MTERF4: variants seen among roughly 807,000 people sequenced by gnomAD.
The protein encoded by MTERF4 is transcription termination factor 4, mitochondrial.
A neutral mutation model predicts 22.5 loss-of-function variants in MTERF4; 17 were observed. The observed-to-expected ratio is 0.75, with a 90% CI of 0.52 to 1.13. MTERF4 has a LOEUF of 1.13. Among genes scored for constraint, MTERF4 ranks in the 50% most tolerant of loss-of-function variants. The pLI is 0.00. For synonymous variants in MTERF4, 165 were observed against 175.3 expected (o/e 0.94, Z 0.47); for missense variants, 420 against 466.8 (o/e 0.90, Z 0.92).
At chr2:241,082,415 C>A, downstream of MTERF4, 2 of 1,417,064 alleles carry the variant, frequency 1.4e-6, no homozygotes, top group Non-Finnish European at 2.0e-6. Context: ...GTGTTCTTGA[C>A]TCCTCAAAGT....
At chr2:241,047,331 C>T in the MTERF4 span, among the ~76,000 whole-genome samples, 4 of 152,050 alleles carry the variant, frequency 2.6e-5, no homozygotes, top group East Asian at 3.9e-4. Context: ...ATACTTGTAC[C>T]TATTAACACC....
chr2:241,069,108 C>T (rs1203730108), downstream of MTERF4: 1 of 906,248 alleles, frequency 1.1e-6, no homozygotes, highest in Non-Finnish European at 1.7e-6. This position sits in a 1 kb window ranked among gnomAD's most constrained non-coding sequence, Gnocchi z 4.9. Flanking sequence ...TAGTCCTCTC[C>T]AAAGCGTCCA....
chr2:241,044,618 G>A, the MTERF4 span, among the ~76,000 whole-genome samples: 391 of 152,290 alleles, frequency 2.6e-3, no homozygotes, highest in African/African-American at 8.5e-3. Context: ...GCATCCACAC[G>A]GACAGAAAGA....
At position 241,073,236 on chromosome 2, in the gene MTERF4, G is replaced by A. The variant is rs370019743; in HGVS notation, n.2926C>T. ...ACCATCCCGGGTGCAAAGCAGCTGCGCCGTGTGGTCACCGCCTGGCTTCTC... is the reference window on the plus strand; with the variant it reads ...ACCATCCCGGGTGCAAAGCAGCTGCACCGTGTGGTCACCGCCTGGCTTCTC... On this transcript the variant is annotated non_coding_transcript_exon_variant, in exon 5 of 5. Coordinates refer to the MTERF4 transcript ENST00000464344. This position sits in a 1 kb window ranked among gnomAD's most constrained non-coding sequence, Gnocchi z 6.6. 246 of 1,516,320 alleles carry A rather than the reference G, an allele frequency of 1.6e-4. No homozygotes were observed. The highest frequency in any genetic ancestry group is 1.7e-4 in the Non-Finnish European group (193 of 1,116,102). 93.9% of individuals were successfully genotyped at this position (1,516,320 alleles called of 1,614,324 possible). A position where few individuals can be genotyped will look rare whatever the true frequency, so the allele number is the denominator to read the frequency against.
At chr2:241,065,288 A>G in the MTERF4 span, 1 of 1,612,242 alleles carries the variant, frequency 6.2e-7, no homozygotes, top group Non-Finnish European at 8.5e-7. Context: ...GTTTTGACCC[A>G]AACCCTGAAG....
At chr2:241,044,182 T>C in the MTERF4 span, among the ~76,000 whole-genome samples, 13 of 152,218 alleles carry the variant, frequency 8.5e-5, no homozygotes, top group Non-Finnish European at 1.6e-4. Flanking sequence ...GATAGCAAGA[T>C]GATAGGTTCA....
At chr2:241,076,608 T>C (rs1263914487) in intron 4 of MTERF4, among the ~76,000 whole-genome samples, 1 of 152,182 alleles carries the variant, frequency 6.6e-6, no homozygotes, top group Non-Finnish European at 1.5e-5. Context: ...ACACCTGTAA[T>C]CCCAGCACTT....
downstream of MTERF4, chr2:241,069,769 C>A (rs2062623409): frequency 1.2e-5 from 11 of 891,704 alleles, no homozygotes; most frequent in South Asian, 1.7e-4. This position sits in a 1 kb window ranked among gnomAD's most constrained non-coding sequence, Gnocchi z 4.9. Flanking sequence ...CGTGCCAGCC[C>A]ACACCCCGCC....
At chr2:241,062,823 C>T in the MTERF4 span, 1 of 1,611,698 alleles carries the variant, frequency 6.2e-7, no homozygotes, top group Non-Finnish European at 8.5e-7. Context: ...GCCGTGCCTG[C>T]ATGGGGGCTC....
At chr2:241,069,905 TC>T (rs1230024298), downstream of MTERF4, 15 of 1,609,968 alleles carry the variant, frequency 9.3e-6, no homozygotes, top group Non-Finnish European at 1.2e-5. This position sits in a 1 kb window ranked among gnomAD's most constrained non-coding sequence, Gnocchi z 4.9. Context: ...CTCTCCCTGC[TC>T]CTGCCTCATC....
chr2:241,074,820 C>T (rs2062943746), exon 5 of MTERF4: 2 of 152,176 alleles, frequency 1.3e-5, no homozygotes, highest in Non-Finnish European at 2.9e-5. Context: ...AACCTATAAA[C>T]TTGGATGTGA....
chr2:241,054,428 G>A, the MTERF4 span, among the ~76,000 whole-genome samples: 5 of 152,176 alleles, frequency 3.3e-5, no homozygotes, highest in Admixed American at 3.3e-4. Flanking sequence ...AACTAGCCCG[G>A]CGTGGTGGCA....
chr2:241,080,010 C>A (rs962671113), intron 4 of MTERF4, among the ~76,000 whole-genome samples: 1 of 152,066 alleles, frequency 6.6e-6, no homozygotes, highest in African/African-American at 2.4e-5. Flanking sequence ...TTTGGCTGGG[C>A]GCAGTGGCTC....
At chr2:241,067,751 C>A, downstream of MTERF4, 2 of 1,593,668 alleles carry the variant, frequency 1.3e-6, no homozygotes, top group East Asian at 2.3e-5. Context: ...GCTGAACAGT[C>A]CATTCCCCCT....
chr2:241,072,061 C>T (rs1332550165), downstream of MTERF4: 1 of 708,760 alleles, frequency 1.4e-6, no homozygotes, highest in South Asian at 1.5e-5. Flanking sequence ...GCATGCACCT[C>T]CATGGCAGGA....
the MTERF4 span, among the ~76,000 whole-genome samples, chr2:241,042,684 A>C: frequency 3.3e-5 from 5 of 152,260 alleles, no homozygotes; most frequent in African/African-American, 1.2e-4. Flanking sequence ...AGGTATTTTT[A>C]AAAACTTGTA....
At chr2:241,097,192 CCA>C (rs1410668530) in intron 3 of MTERF4, 49 bp downstream of exon 3, 17 of 1,590,490 alleles carry the variant, frequency 1.1e-5, no homozygotes, top group Admixed American at 1.0e-4. Flanking sequence ...AATCCCATTA[CCA>C]GTCATTCTCA....
chr2:241,096,344 T>A lies in MTERF4; in HGVS notation c.800A>T (p.Tyr267Phe). ...TTGGTACCGTCCCAGGCGCTCCAGG[T>A]AAATGTGTCTCTGCTTAATCTTGGT... ...SLTKIKQRHI[Y>F]LERLGRYQTP... is the part of the protein sequence containing the mutation. Residue 267 changes from tyrosine (Y) to phenylalanine (F), a missense_variant, in exon 4 of 4, where the codon TAC (tyrosine) becomes TTC (phenylalanine). Coordinates refer to ENST00000391980, the MANE Select transcript of MTERF4 (RefSeq NM_182501.4). The surrounding 1 kb of genome is among the most constrained non-coding windows in gnomAD (Gnocchi z 5.1). 6.2e-7 allele frequency: 1 copy of A among 1,614,150 alleles called. No individual in the cohort carries two copies. The highest frequency in any genetic ancestry group is 2.2e-5 in the East Asian group (1 of 44,888).
At chr2:241,051,870 C>G in the MTERF4 span, 1 of 1,532,400 alleles carries the variant, frequency 6.5e-7, no homozygotes, top group Non-Finnish European at 8.8e-7. This position sits in a 1 kb window ranked among gnomAD's most constrained non-coding sequence, Gnocchi z 4.7. Flanking sequence ...GGTGCGGCCC[C>G]CAGGGGCAGG....
Sources: allele counts gnomAD v4.1 joint callset (sites outside exome capture counted in the v4.1 genomes callset), GRCh38; gene constraint gnomAD v4.1.1; non-coding constraint Gnocchi (gnomAD v3.1); transcripts MANE v1.5; gene names NCBI Gene and HGNC (gene_info 2026-07-23, HGNC 2026-07-21).